Variants in ABCC9 observed in about 807,000 individuals in gnomAD.
The protein encoded by ABCC9 is ATP binding cassette subfamily C member 9, also known as ATP-binding cassette sub-family C member 9.
A neutral mutation model predicts 188.3 loss-of-function variants in ABCC9; 95 were observed. The ratio of observed to expected loss-of-function variants is 0.50; its 90% CI spans 0.43 to 0.60. ABCC9 has a LOEUF of 0.60. Among genes scored for constraint, ABCC9 ranks in the 20% least tolerant of loss-of-function variants. ABCC9 has a pLI of 0.00. For synonymous variants in ABCC9, 659 were observed against 652.7 expected, an observed-to-expected ratio of 1.01 and a Z score of -0.15; for missense variants, 1,102 against 1,876.3, an observed-to-expected ratio of 0.59 and a Z score of 7.62.
At chr12:21,904,821 A>G (rs1458979149) in intron 12 of ABCC9, among the ~76,000 whole-genome samples, 2 of 152,198 alleles carry the variant, frequency 1.3e-5, no homozygotes, top group Non-Finnish European at 2.9e-5. Flanking sequence ...ACACTTTTAC[A>G]CTGTTCGTGG....
At chr12:21,847,475 T>G (rs994564969) in intron 25 of ABCC9, among the ~76,000 whole-genome samples, 3 of 152,146 alleles carry the variant, frequency 2.0e-5, no homozygotes, top group Non-Finnish European at 4.4e-5. Flanking sequence ...TTTAATTGGT[T>G]GGTAGAAATG....
chr12:21,855,583 A>G (rs1945181864), intron 22 of ABCC9, among the ~76,000 whole-genome samples: 1 of 152,158 alleles, frequency 6.6e-6, no homozygotes, highest in Admixed American at 6.5e-5. Flanking sequence ...TTATCTCTAA[A>G]TTAAAAGGTC....
At chr12:21,935,266 C>T (rs1949441187) in intron 3 of ABCC9, among the ~76,000 whole-genome samples, 1 of 152,102 alleles carries the variant, frequency 6.6e-6, no homozygotes, top group East Asian at 1.9e-4. Context: ...GGCCAAAGGG[C>T]GTTCTTCATG....
In ABCC9 at chr12:21,941,001, A is replaced by T. The variant is rs960393459; in HGVS notation, c.-136-176T>A. Among the ~76,000 whole-genome samples the T allele has an allele frequency of 6.6e-6, 1 of 152,132 alleles. No homozygotes were observed. The highest frequency in any genetic ancestry group is 1.5e-5 in the Non-Finnish European group (1 of 68,018). On this transcript the variant is annotated intron_variant, in intron 1 of 39. Coordinates refer to ENST00000261200, the MANE Select transcript of ABCC9 (RefSeq NM_020297.4). This position sits in a 1 kb window ranked among gnomAD's most constrained non-coding sequence, Gnocchi z 5.4. ...GTTTTGAAGTAAAACTGGAAACCTGATCCCCACCCCTTCACTTCTCGAGCC... is the reference window on the plus strand; with the variant it reads ...GTTTTGAAGTAAAACTGGAAACCTGTTCCCCACCCCTTCACTTCTCGAGCC...
chr12:21,872,595 G>C, intron 18 of ABCC9, 30 bp downstream of exon 18: 1 of 1,477,420 alleles, frequency 6.8e-7, no homozygotes, highest in Non-Finnish European at 9.5e-7. Flanking sequence ...GTATGACATA[G>C]CAATGGAAGC....
At position 21,845,555 on chromosome 12, in the gene ABCC9, T is replaced by A. The variant is rs775893461; in HGVS notation, c.3096+48A>T. 1.4e-5 allele frequency: 21 copies of A among 1,462,978 alleles called. No homozygotes were observed. In the East Asian group the frequency reaches 4.6e-4, roughly 32 times the overall value. 90.6% of individuals were successfully genotyped at this position (1,462,978 alleles called of 1,614,324 possible). ...CTAGATAAGAAGGTATCACTGTTAA[T>A]CTCAATATTTCCTTGATGATTTAAA... On this transcript the variant is annotated intron_variant, in intron 26 of 39. Transcript: ENST00000261200.
chr12:21,887,222 A>G (rs1458028083), intron 15 of ABCC9, among the ~76,000 whole-genome samples: 1 of 152,190 alleles, frequency 6.6e-6, no homozygotes, highest in African/African-American at 2.4e-5. Flanking sequence ...ATGTTTCTAG[A>G]TTTTATGTAG....
At chr12:21,807,075 C>G (rs1365136800) in intron 38 of ABCC9, among the ~76,000 whole-genome samples, 2 of 152,108 alleles carry the variant, frequency 1.3e-5, no homozygotes, top group African/African-American at 2.4e-5. Flanking sequence ...ATCAACTAAG[C>G]CCTGGAAATT....
intron 14 of ABCC9, among the ~76,000 whole-genome samples, chr12:21,889,905 T>C (rs1055450963): frequency 2.6e-5 from 4 of 152,256 alleles, no homozygotes; most frequent in Admixed American, 2.6e-4. Context: ...ATGTCCCCAG[T>C]CATTCTAGGC....
chr12:21,917,310 T>C (rs1437783591), intron 5 of ABCC9, among the ~76,000 whole-genome samples: 1 of 152,126 alleles, frequency 6.6e-6, no homozygotes, highest in African/African-American at 2.4e-5. Context: ...AAATGTTGAG[T>C]GCGTCCATCC....
At chr12:21,897,809 T>C (rs1204647733) in intron 12 of ABCC9, among the ~76,000 whole-genome samples, 1 of 151,918 alleles carries the variant, frequency 6.6e-6, no homozygotes, top group Non-Finnish European at 1.5e-5. Flanking sequence ...CATGACTTCT[T>C]ACTGCTCTCC....
At position 21,859,393 on chromosome 12, in the gene ABCC9, C is replaced by A. The variant is rs772259379; in HGVS notation, c.2505+193G>T. ...TCTCTTGGACACCAATCTGGATCCT[C>A]CCAACTCTCAAGATACGTTGCTCTT... is the stretch of plus-strand genomic sequence containing the variant. On this transcript the variant is annotated intron_variant, in intron 22 of 39. Coordinates refer to ENST00000261200, the MANE Select transcript of ABCC9 (RefSeq NM_020297.4). Among the ~76,000 whole-genome samples, 29 of 152,146 alleles carry A rather than the reference C, an allele frequency of 1.9e-4. No homozygotes were observed. Among genetic ancestry groups the A allele is most frequent in the African/African-American group, 2.4e-5 (1 of 41,444 alleles).
chr12:21,827,565 CACACACTCACAT>C (rs1481347947), intron 31 of ABCC9: 1 of 144,474 alleles, frequency 6.9e-6, no homozygotes, highest in Non-Finnish European at 1.5e-5. Flanking sequence ...CACACACACA[CACACACTCACAT>C]ATCAAAACAA....
intron 19 of ABCC9, 30 bp from the exon 20 acceptor site, chr12:21,863,084 C>T: frequency 7.2e-7 from 1 of 1,395,262 alleles, no homozygotes; most frequent in Non-Finnish European, 1.0e-6. Flanking sequence ...AAAAAAAACA[C>T]CAGGATTATG....
chr12:21,827,962 T>G (rs1943484821), intron 31 of ABCC9, among the ~76,000 whole-genome samples: 1 of 152,218 alleles, frequency 6.6e-6, no homozygotes, highest in Non-Finnish European at 1.5e-5. Flanking sequence ...TAATTTGGGC[T>G]CCTTCATTTC....
intron 30 of ABCC9, among the ~76,000 whole-genome samples, chr12:21,830,405 A>G (rs1333543558): frequency 6.6e-6 from 1 of 152,218 alleles, no homozygotes; most frequent in African/African-American, 2.4e-5. Flanking sequence ...GGCTTGTCTT[A>G]TAGAGACCTC....
At chr12:21,917,224 G>C (rs978582954) in intron 5 of ABCC9, 121 bp from the exon 6 acceptor site, 35 of 1,011,432 alleles carry the variant, frequency 3.5e-5, no homozygotes, top group Non-Finnish European at 4.6e-5. Flanking sequence ...TTTCCACATG[G>C]TTTTACTTGG....
Position 21,807,400 on chromosome 12 carries a change from G to A in ABCC9, c.4395C>T (p.Arg1465=). ...CATCCATAATAAGAATGCTGCTTTT[G>A]CGGACAAAGGCCCTGGCAAGGCAAA... The part of the protein sequence containing the change: ...QLFCLARAFV[R]KSSILIMDEA... Residue 1465 remains arginine (R), a synonymous_variant, in exon 38 of 40, where the codon CGC becomes CGT. Transcript: ENST00000261200. The A allele has an allele frequency of 6.2e-7, 1 of 1,613,982 alleles. No homozygotes were observed. The highest frequency in any genetic ancestry group is 8.5e-7 in the Non-Finnish European group (1 of 1,179,888).
intron 29 of ABCC9, among the ~76,000 whole-genome samples, chr12:21,840,041 A>G (rs539600902): frequency 2.0e-4 from 31 of 152,312 alleles, no homozygotes; most frequent in Non-Finnish European, 3.8e-4. Flanking sequence ...CTGTGGAAGG[A>G]GGAAGCTTTG....
Sources: allele counts gnomAD v4.1 joint callset (sites outside exome capture counted in the v4.1 genomes callset), GRCh38; gene constraint gnomAD v4.1.1; non-coding constraint Gnocchi (gnomAD v3.1); transcripts MANE v1.5; gene names NCBI Gene and HGNC (gene_info 2026-07-23, HGNC 2026-07-21).